LYST: variants seen among roughly 807,000 people sequenced by gnomAD.
The protein encoded by LYST is lysosomal-trafficking regulator.
Under a neutral mutation model 413.6 loss-of-function variants are expected in LYST, and 192 were observed. The ratio of observed to expected loss-of-function variants is 0.46; its 90% CI spans 0.41 to 0.52. The LOEUF (loss-of-function observed/expected upper bound fraction) is 0.52, where lower values mean the gene tolerates loss of function less well. LYST is among the 20% of genes least tolerant of loss of function. The probability of loss-of-function intolerance (pLI) is 0.00; values close to 1 mark genes in which losing one functional copy is unlikely to be tolerated. For synonymous variants in LYST, 1,525 were observed against 1,567.3 expected (o/e 0.97, Z 0.64); for missense variants, 3,815 against 4,499.9 (o/e 0.85, Z 4.35).
chr1:235,849,552 A>C (rs893778138), intron 1 of LYST, among the ~76,000 whole-genome samples: 2 of 152,098 alleles, frequency 1.3e-5, no homozygotes, highest in Non-Finnish European at 2.9e-5. Context: ...AAGGGCATCC[A>C]AGTCAGTAAA....
Position 235,679,727 on chromosome 1 carries a change from G to A in LYST, c.10801-2108C>T, listed in dbSNP as rs373880416. Among the ~76,000 whole-genome samples, 14 of 152,174 alleles carry A rather than the reference G, an allele frequency of 9.2e-5. No individual in the cohort carries two copies. The East Asian group carries it at 2.5e-3, about 27-fold the overall frequency. Reference sequence around the variant, plus strand: ...CCTAGACAAACCAGGGAATTCCAGGGTTCTCCCATGCAACTCATTTTCATT... The same window carrying A: ...CCTAGACAAACCAGGGAATTCCAGGATTCTCCCATGCAACTCATTTTCATT... On this transcript the variant is annotated intron_variant, in intron 48 of 52. Coordinates refer to ENST00000389793, the MANE Select transcript of LYST (RefSeq NM_000081.4).
At chr1:235,745,795 T>C (rs1417581982) in intron 29 of LYST, among the ~76,000 whole-genome samples, 1 of 152,134 alleles carries the variant, frequency 6.6e-6, no homozygotes, top group African/African-American at 2.4e-5. Flanking sequence ...AAAGGCTACA[T>C]ACTGTACGCT....
Position 235,744,058 on chromosome 1 carries a change from T to A in LYST, c.8072A>T (p.His2691Leu). ...FQTEISEENI[H>L]HEQSSVFNPF... The stretch of plus-strand genomic sequence containing the variant: ...ATTGAAAACAGAAGACTGTTCATGA[T>A]GAATATTTTCCTCAGAAATTTCGGT... The change falls in exon 30 of 53, where the codon CAT becomes CTT. Residue 2691 changes from histidine (H) to leucine (L), a missense_variant. By Grantham distance (99) the His-to-Leu change is moderately conservative (BLOSUM62 -3). Around this residue, in one of 4 missense-constraint regions of LYST, gnomAD observed 771 missense variants for 837.1 expected, o/e 0.92. Coordinates refer to ENST00000389793, the MANE Select transcript of LYST (RefSeq NM_000081.4). 6.3e-7 allele frequency: 1 copy of A among 1,584,992 alleles called. No homozygotes were observed. Among genetic ancestry groups the A allele is most frequent in the Non-Finnish European group, 8.7e-7 (1 of 1,153,858 alleles).
chr1:235,663,987 A>C lies in LYST; in HGVS notation c.11264T>G (p.Ile3755Ser), dbSNP rs769551143. The change falls in exon 52 of 53, where the codon ATC (isoleucine) becomes AGC (serine). Residue 3755 changes from isoleucine (I) to serine (S), a missense_variant. Physicochemically the swap from Ile to Ser is moderately radical, Grantham distance 142. Coordinates refer to ENST00000389793, the MANE Select transcript of LYST (RefSeq NM_000081.4). ...ITFPKSNKPI[I>S]SLTFSCDGHH... is the part of the protein sequence containing the mutation. Reference sequence around the variant, plus strand: ...TAAGAGGGGGAGAAGATCTTACCTGATGATGGGCTTATTTGATTTGGGAAA... The same window carrying C: ...TAAGAGGGGGAGAAGATCTTACCTGCTGATGGGCTTATTTGATTTGGGAAA... The C allele has an allele frequency of 1.2e-6, 2 of 1,609,502 alleles. No individual in the cohort carries two copies. Among genetic ancestry groups the C allele is most frequent in the South Asian group, 2.2e-5 (2 of 90,978 alleles).
intron 22 of LYST, among the ~76,000 whole-genome samples, chr1:235,761,272 C>T (rs564047445): frequency 1.3e-5 from 2 of 152,114 alleles, no homozygotes; most frequent in South Asian, 4.1e-4. Context: ...ATCTCACCTG[C>T]AGTATTTAAT....
chr1:235,818,215 G>T (rs1377262253), intron 3 of LYST, among the ~76,000 whole-genome samples: 3 of 152,176 alleles, frequency 2.0e-5, no homozygotes, highest in Middle Eastern at 3.4e-3. Flanking sequence ...AGAGGGAGAG[G>T]GCTAGGAGAC....
At chr1:235,804,434 T>C in intron 7 of LYST, 70 bp downstream of exon 7, 1 of 1,189,634 alleles carries the variant, frequency 8.4e-7, no homozygotes, top group Non-Finnish European at 1.3e-6. Context: ...ATCAGCGTCC[T>C]AGTGTCATCC....
chr1:235,878,050 C>G (rs1469674231), intron 1 of LYST, among the ~76,000 whole-genome samples: 4 of 152,016 alleles, frequency 2.6e-5, no homozygotes, highest in African/African-American at 9.7e-5. Flanking sequence ...TTGGAAAGGG[C>G]CTCAAATATG....
rs1444701247 is a variant in LYST at position 235,661,392 on chromosome 1, TAAC to T, written c.*1545_*1547del. On this transcript the variant is annotated 3_prime_UTR_variant, in exon 53 of 53. Coordinates refer to ENST00000389793, the MANE Select transcript of LYST (RefSeq NM_000081.4). ...CTAGACAATAGCTGCAATTTTTTGT[TAAC>T]AAAGCAAATCACTTCAACGTGAATA... is the stretch of plus-strand genomic sequence containing the variant. The T allele has an allele frequency of 6.6e-6, 1 of 152,436 alleles. No homozygotes were observed. Among genetic ancestry groups the T allele is most frequent in the African/African-American group, 2.4e-5 (1 of 41,446 alleles). The allele number at this position is 152,436 out of a possible 1,614,324, so 9.4% of individuals were successfully genotyped here.
intron 33 of LYST, 52 bp from the exon 34 acceptor site, chr1:235,733,743 T>C (rs760686962): frequency 6.5e-7 from 1 of 1,533,394 alleles, no homozygotes; most frequent in Non-Finnish European, 9.0e-7. Context: ...AACGTATTTA[T>C]CAGAACATGA....
intron 19 of LYST, among the ~76,000 whole-genome samples, chr1:235,770,810 G>T (rs2103418987): frequency 6.6e-6 from 1 of 152,232 alleles, no homozygotes; most frequent in Middle Eastern, 3.4e-3. Flanking sequence ...AGAATTATCT[G>T]CATGATTACA....
intron 48 of LYST, among the ~76,000 whole-genome samples, chr1:235,681,385 G>A (rs193194805): frequency 1.7e-3 from 264 of 152,274 alleles, no homozygotes; most frequent in Admixed American, 3.1e-3. Flanking sequence ...GTCAGAGCAC[G>A]GGGCCTGGTG....
chr1:235,782,030 A>C lies in LYST; in HGVS notation c.4920T>G (p.Asp1640Glu), dbSNP rs992244106. Residue 1640 changes from aspartate to glutamate, a missense_variant, in exon 15 of 53, where the codon GAT becomes GAG. Asp to Glu is a conservative substitution (Grantham distance 45). Around this residue, in one of 4 missense-constraint regions of LYST, gnomAD observed 530 missense variants for 696.5 expected, o/e 0.76. Coordinates refer to ENST00000389793, the MANE Select transcript of LYST (RefSeq NM_000081.4). ...CAATCATGCAAAATGTTTTATTGCTATCAGATGACAAACTTGTTTTTCTTG... is the reference window on the plus strand; with the variant it reads ...CAATCATGCAAAATGTTTTATTGCTCTCAGATGACAAACTTGTTTTTCTTG... ...MLPRKTSLSS[D>E]SNKTFCMIGH... The C allele has an allele frequency of 6.2e-7, 1 of 1,612,552 alleles. No homozygotes were observed.
chr1:235,753,312 A>G (rs1333849649), intron 25 of LYST, 38 bp from the exon 26 acceptor site: 1 of 1,221,606 alleles, frequency 8.2e-7, no homozygotes, highest in African/African-American at 1.5e-5. Context: ...CATTAGAAAC[A>G]ATCACAAAAT....
chr1:235,788,904 A>G, intron 12 of LYST, 59 bp from the exon 13 acceptor site: 1 of 1,512,628 alleles, frequency 6.6e-7, no homozygotes, highest in East Asian at 2.3e-5. Context: ...TGAGTAGAAA[A>G]GTGAATTTAG....
chr1:235,699,317 T>C (rs564667006), intron 45 of LYST, among the ~76,000 whole-genome samples: 133 of 152,258 alleles, frequency 8.7e-4, no homozygotes, highest in Non-Finnish European at 1.4e-3. Context: ...AACTCCCACT[T>C]ATGAGTGAGA....
At chr1:235,668,318 G>A (rs1006738112) in intron 50 of LYST, among the ~76,000 whole-genome samples, 1 of 152,014 alleles carries the variant, frequency 6.6e-6, no homozygotes, top group African/African-American at 2.4e-5. Flanking sequence ...CAAGAAAATA[G>A]GAGGATGAAC....
Position 235,731,150 on chromosome 1 carries a change from A to T in LYST, c.8829T>A (p.Tyr2943Ter), listed in dbSNP as rs1449365104. The T allele has an allele frequency of 6.2e-7, 1 of 1,614,086 alleles. No individual in the cohort carries two copies. The highest frequency in any genetic ancestry group is 1.1e-5 in the South Asian group (1 of 91,084). ...DRAVWYDPIY[Y>*]PTSWQLDPTE... is the part of the protein sequence containing the mutation. ...TTGGATCCAACTGCCATGAGGTTGGATAGTAGATGGGGTCATACCATACTG... is the reference window on the plus strand; with the variant it reads ...TTGGATCCAACTGCCATGAGGTTGGTTAGTAGATGGGGTCATACCATACTG... The change falls in exon 35 of 53, where the codon TAT becomes TAA. Residue 2943 changes from tyrosine (Y) to a stop codon, truncating the protein, a stop_gained. Coordinates refer to ENST00000389793, the MANE Select transcript of LYST (RefSeq NM_000081.4). LOFTEE classifies it high-confidence loss of function.
At chr1:235,733,776 G>T in intron 33 of LYST, 54 bp downstream of exon 33, 1 of 1,493,972 alleles carries the variant, frequency 6.7e-7, no homozygotes, top group Non-Finnish European at 9.3e-7. Flanking sequence ...AAAAGTATAT[G>T]TGAAATCTAA....
Sources: gnomAD v4.1 joint callset for allele counts (sites outside exome capture counted in the v4.1 genomes callset) on GRCh38, gnomAD v4.1.1 for gene constraint, gnomAD v4.1.1 regional missense constraint, MANE v1.5 for transcripts, NCBI Gene and HGNC (gene_info 2026-07-23, HGNC 2026-07-21) for gene names.